FARP1: variants seen among roughly 807,000 people sequenced by gnomAD.
FARP1 encodes FERM, ARHGEF and pleckstrin domain-containing protein 1.
Under a neutral mutation model 128.8 loss-of-function variants are expected in FARP1, and 52 were observed. The observed-to-expected ratio is 0.40, with a 90% CI of 0.32 to 0.51. The LOEUF (loss-of-function observed/expected upper bound fraction) is 0.51. Among genes scored for constraint, FARP1 ranks in the 20% least tolerant of loss-of-function variants. FARP1 has a pLI of 0.45. For synonymous variants in FARP1, 580 were observed against 551.8 expected (o/e 1.05, Z -0.72); for missense variants, 1,333 against 1,367.9 (o/e 0.97, Z 0.40).
chr13:98,380,920 A>T (rs910787198), intron 6 of FARP1, among the ~76,000 whole-genome samples: 3 of 151,982 alleles, frequency 2.0e-5, no homozygotes, highest in South Asian at 2.1e-4. Flanking sequence ...AAAGTAAATT[A>T]AAAAAAATAA....
intron 3 of FARP1, among the ~76,000 whole-genome samples, chr13:98,349,120 G>T (rs1888299543): frequency 6.6e-6 from 1 of 152,204 alleles, no homozygotes; most frequent in Non-Finnish European, 1.5e-5. Flanking sequence ...CTGCATTGTG[G>T]CTTGCATATC....
chr13:98,249,584 C>CATG (rs1297617602), intron 2 of FARP1, among the ~76,000 whole-genome samples: 3 of 152,090 alleles, frequency 2.0e-5, no homozygotes, highest in Non-Finnish European at 4.4e-5. Context: ...GTTTCCCCAC[C>CATG]ATGTTCTTCA....
intron 1 of FARP1, among the ~76,000 whole-genome samples, chr13:98,208,156 G>A (rs1880409431): frequency 6.6e-6 from 1 of 152,008 alleles, no homozygotes. Context: ...AGGCAGAAGT[G>A]AGAAAGGCAC....
chr13:98,180,340 G>C (rs1320302490), intron 1 of FARP1, among the ~76,000 whole-genome samples: 3 of 152,030 alleles, frequency 2.0e-5, no homozygotes, highest in Non-Finnish European at 4.4e-5. Context: ...TGAGCACCCA[G>C]GAAATGGTGC....
At chr13:98,289,022 T>C (rs541115142) in intron 2 of FARP1, among the ~76,000 whole-genome samples, 4 of 151,968 alleles carry the variant, frequency 2.6e-5, no homozygotes, top group Non-Finnish European at 5.9e-5. Context: ...GATGATATTT[T>C]CTTTTATAAC....
intron 1 of FARP1, among the ~76,000 whole-genome samples, chr13:98,205,417 GA>G (rs1236744212): frequency 6.6e-6 from 1 of 151,842 alleles, no homozygotes; most frequent in Non-Finnish European, 1.5e-5. Context: ...TTTTTAGACA[GA>G]GTCTCACTCT....
intron 16 of FARP1, among the ~76,000 whole-genome samples, chr13:98,414,510 C>G (rs1473514218): frequency 3.9e-5 from 6 of 152,160 alleles, no homozygotes; most frequent in Non-Finnish European, 7.3e-5. Context: ...TAGACCAACA[C>G]AGAGAGAAAC....
intron 24 of FARP1, among the ~76,000 whole-genome samples, chr13:98,443,210 T>C (rs1424241401): frequency 6.6e-6 from 1 of 152,212 alleles, no homozygotes; most frequent in African/African-American, 2.4e-5. Flanking sequence ...GCCTGAAATA[T>C]CTGCCGTCTG....
intron 2 of FARP1, among the ~76,000 whole-genome samples, chr13:98,257,697 G>T (rs558529627): frequency 4.9e-4 from 75 of 152,186 alleles, no homozygotes; most frequent in African/African-American, 1.8e-3. Context: ...TTGTATCCTG[G>T]AGGCGGAGGT....
chr13:98,317,585 A>G (rs1460334756), intron 2 of FARP1, among the ~76,000 whole-genome samples: 1 of 152,226 alleles, frequency 6.6e-6, no homozygotes, highest in Non-Finnish European at 1.5e-5. Context: ...TCCACTTGTT[A>G]TCCAAAGAAG....
At chr13:98,410,070 G>A (rs1891132099) in intron 14 of FARP1, among the ~76,000 whole-genome samples, 1 of 152,362 alleles carries the variant, frequency 6.6e-6, no homozygotes, top group East Asian at 1.9e-4. Flanking sequence ...ATTTGTTTGA[G>A]TCTCTGCTTT....
chr13:98,393,151 G>A (rs1455066406), intron 11 of FARP1, among the ~76,000 whole-genome samples: 1 of 152,228 alleles, frequency 6.6e-6, no homozygotes, highest in Non-Finnish European at 1.5e-5. Context: ...TTCTACTGTT[G>A]AGGGCAGGCC....
At position 98,449,823 on chromosome 13, in the gene FARP1, A is replaced by ACACTC. The variant is rs1021124214; in HGVS notation, c.*1509_*1513dup. ...GTGTGGGGGGGGAGGGGGGAAGGGG[A>ACACTC]CACTCCAGCAAGGGTTTCTAAAGCC... is the stretch of plus-strand genomic sequence containing the variant. On this transcript the variant is annotated 3_prime_UTR_variant, in exon 27 of 27. Coordinates refer to ENST00000319562, the MANE Select transcript of FARP1 (RefSeq NM_005766.4). 1 of 152,062 alleles carries ACACTC rather than the reference A, an allele frequency of 6.6e-6. No homozygotes were observed. The highest frequency in any genetic ancestry group is 1.5e-5 in the Non-Finnish European group (1 of 67,956). 9.4% of individuals were successfully genotyped at this position (152,062 alleles called of 1,614,324 possible).
At chr13:98,187,493 G>A (rs1441141432) in intron 1 of FARP1, among the ~76,000 whole-genome samples, 3 of 152,174 alleles carry the variant, frequency 2.0e-5, no homozygotes, top group African/African-American at 7.2e-5. Context: ...GGAGATGTGG[G>A]GGAGGAGGAT....
chr13:98,265,088 C>T (rs1003399351), intron 2 of FARP1, among the ~76,000 whole-genome samples: 3 of 152,120 alleles, frequency 2.0e-5, no homozygotes, highest in Non-Finnish European at 4.4e-5. Flanking sequence ...CCGGCCCACA[C>T]TAGTGCTCGT....
intron 3 of FARP1, among the ~76,000 whole-genome samples, chr13:98,359,098 C>T (rs145013755): frequency 6.6e-6 from 1 of 152,274 alleles, no homozygotes; most frequent in East Asian, 1.9e-4. Flanking sequence ...AAGAAGAGAA[C>T]TGAACTTTTG....
intron 2 of FARP1, among the ~76,000 whole-genome samples, chr13:98,291,888 GGA>G (rs1270409854): frequency 1.3e-5 from 2 of 152,208 alleles, no homozygotes; most frequent in African/African-American, 4.8e-5. Flanking sequence ...GCATTTTCTT[GGA>G]GAGTGATTGT....
chr13:98,318,390 T>TC (rs1886836730), intron 2 of FARP1, among the ~76,000 whole-genome samples: 1 of 152,158 alleles, frequency 6.6e-6, no homozygotes, highest in Non-Finnish European at 1.5e-5. Context: ...TCCTATTGGA[T>TC]CAGGGCGGCA....
chr13:98,204,889 A>G (rs285105), intron 1 of FARP1, among the ~76,000 whole-genome samples: 1 of 151,886 alleles, frequency 6.6e-6, no homozygotes, highest in Non-Finnish European at 1.5e-5. Context: ...TCGAGGTTAC[A>G]GTGAGCTGTG....
Sources: allele counts gnomAD v4.1 joint callset (sites outside exome capture counted in the v4.1 genomes callset), GRCh38; gene constraint gnomAD v4.1.1; transcripts MANE v1.5; gene names NCBI Gene and HGNC (gene_info 2026-07-23, HGNC 2026-07-21).